Variants in PDE4D observed in about 807,000 individuals in gnomAD.
PDE4D encodes the protein phosphodiesterase 4D, also known as 3',5'-cyclic-AMP phosphodiesterase 4D.
Under a neutral mutation model 87.4 loss-of-function variants are expected in PDE4D, and 24 were observed. The observed-to-expected ratio is 0.27, with a 90% CI of 0.20 to 0.39. The LOEUF (loss-of-function observed/expected upper bound fraction) is 0.39, where lower values mean the gene tolerates loss of function less well. Ranked by LOEUF, PDE4D falls within the 10% of genes least tolerant of loss-of-function variation. The pLI is 1.00. For missense variants in PDE4D, 714 were observed against 1,041.0 expected (o/e 0.69, Z 4.32); for synonymous variants, 384 against 383.2 (o/e 1.00, Z -0.02).
chr5:59,448,608 A>G (rs1798685700), intron 1 of PDE4D, among the ~76,000 whole-genome samples: 1 of 152,148 alleles, frequency 6.6e-6, no homozygotes, highest in South Asian at 2.1e-4. Flanking sequence ...AGTAAAAAGG[A>G]AGAATGTAGA....
chr5:59,974,637 T>G (rs1393696829), intron 3 of PDE4D, among the ~76,000 whole-genome samples: 1 of 152,184 alleles, frequency 6.6e-6, no homozygotes, highest in East Asian at 1.9e-4. Context: ...AACTTCTTGT[T>G]CCCTGGTTTA....
chr5:59,471,447 G>A (rs1321775949), intron 1 of PDE4D, among the ~76,000 whole-genome samples: 1 of 152,230 alleles, frequency 6.6e-6, no homozygotes, highest in East Asian at 1.9e-4. Context: ...GGAGCTTGAG[G>A]AAAGAAGACT....
At chr5:59,909,635 T>C (rs1042769806) in intron 3 of PDE4D, among the ~76,000 whole-genome samples, 1 of 152,128 alleles carries the variant, frequency 6.6e-6, no homozygotes, top group Non-Finnish European at 1.5e-5. Flanking sequence ...TCCACCCACC[T>C]CGGCCTCCCA....
intron 1 of PDE4D, among the ~76,000 whole-genome samples, chr5:59,707,291 A>G (rs1418927246): frequency 6.6e-6 from 1 of 152,168 alleles, no homozygotes; most frequent in Non-Finnish European, 1.5e-5. Flanking sequence ...CTTTAATGCA[A>G]CAAACATTTA....
rs530782366 is a variant in PDE4D, at chr5:59,134,113, T to C, written c.808+46482A>G. Reference sequence around the variant, plus strand: ...CCCCTCAACTCCACTTTTGCTTTCTTGGGATTGCATGACTCACCTCCCTCA... The same window carrying C: ...CCCCTCAACTCCACTTTTGCTTTCTCGGGATTGCATGACTCACCTCCCTCA... On this transcript the variant is annotated intron_variant, in intron 5 of 14. Coordinates refer to ENST00000340635, the MANE Select transcript of PDE4D (RefSeq NM_001104631.2). Among the ~76,000 whole-genome samples, 4 of 150,274 alleles carry C rather than the reference T, an allele frequency of 2.7e-5. No individual in the cohort carries two copies. The East Asian group carries it at 7.8e-4, about 29-fold the overall frequency.
chr5:60,423,932 T>C (rs1743386776), intron 1 of PDE4D, among the ~76,000 whole-genome samples: 1 of 151,804 alleles, frequency 6.6e-6, no homozygotes, highest in Admixed American at 6.6e-5. Flanking sequence ...AACTAGAAAA[T>C]CTAGAAGAAA....
At chr5:59,856,664 T>G (rs1397454462) in intron 1 of PDE4D, among the ~76,000 whole-genome samples, 1 of 152,140 alleles carries the variant, frequency 6.6e-6, no homozygotes. Context: ...AGAAAGAAAA[T>G]AATGGATCTG....
At chr5:59,465,748 A>G (rs990632914) in intron 1 of PDE4D, among the ~76,000 whole-genome samples, 2 of 152,202 alleles carry the variant, frequency 1.3e-5, no homozygotes, top group Non-Finnish European at 2.9e-5. Flanking sequence ...GCAAAATTCA[A>G]CCTGAAGAGA....
chr5:59,747,686 C>G (rs947867219), intron 1 of PDE4D, among the ~76,000 whole-genome samples: 2 of 152,146 alleles, frequency 1.3e-5, no homozygotes, highest in Non-Finnish European at 2.9e-5. Flanking sequence ...TTTTCATACA[C>G]TCTGAAACCA....
chr5:60,218,546 A>G (rs540438106), intron 1 of PDE4D, among the ~76,000 whole-genome samples: 2 of 152,194 alleles, frequency 1.3e-5, no homozygotes, highest in East Asian at 1.9e-4. Context: ...AATGCCACAC[A>G]GATGTCCTAA....
chr5:59,158,048 T>C (rs956920449), intron 5 of PDE4D, among the ~76,000 whole-genome samples: 11 of 152,232 alleles, frequency 7.2e-5, no homozygotes, highest in Admixed American at 1.3e-4. Flanking sequence ...TAGTAGCTTT[T>C]ATATTGAATT....
intron 1 of PDE4D, among the ~76,000 whole-genome samples, chr5:59,525,167 G>T (rs1160145174): frequency 6.6e-6 from 1 of 152,228 alleles, no homozygotes; most frequent in Non-Finnish European, 1.5e-5. Context: ...AAAAGCTGCA[G>T]ACACTCAATG....
At chr5:59,557,704 T>C (rs1187430210) in intron 1 of PDE4D, among the ~76,000 whole-genome samples, 1 of 152,196 alleles carries the variant, frequency 6.6e-6, no homozygotes, top group Non-Finnish European at 1.5e-5. Flanking sequence ...AGGCATTTTA[T>C]TTAATTAAAG....
intron 2 of PDE4D, among the ~76,000 whole-genome samples, chr5:60,128,278 T>A (rs1283986537): frequency 6.6e-6 from 1 of 152,212 alleles, no homozygotes; most frequent in Admixed American, 6.5e-5. Flanking sequence ...GCAACACATT[T>A]GTTTTAAGGA....
At chr5:60,054,514 C>T (rs903750657) in intron 2 of PDE4D, among the ~76,000 whole-genome samples, 1 of 151,994 alleles carries the variant, frequency 6.6e-6, no homozygotes, top group East Asian at 1.9e-4. Flanking sequence ...GGGAACATCA[C>T]ACACCAGGGC....
chr5:60,353,648 A>C (rs1040109873), intron 1 of PDE4D, among the ~76,000 whole-genome samples: 4 of 152,216 alleles, frequency 2.6e-5, no homozygotes, highest in Non-Finnish European at 5.9e-5. Context: ...GGGAAGACTA[A>C]GAGATGGTTC....
At chr5:59,571,369 C>T (rs1442605954) in intron 1 of PDE4D, among the ~76,000 whole-genome samples, 1 of 152,102 alleles carries the variant, frequency 6.6e-6, no homozygotes, top group Non-Finnish European at 1.5e-5. Context: ...TTTTGCTTGT[C>T]TTGATTGACG....
At chr5:59,227,042 CT>C (rs1753933825) in intron 1 of PDE4D, among the ~76,000 whole-genome samples, 1 of 152,172 alleles carries the variant, frequency 6.6e-6, no homozygotes, top group Non-Finnish European at 1.5e-5. Context: ...CAGGCTGGAC[CT>C]GAGAGTCAGC....
chr5:59,131,812 G>T (rs1011351675), intron 5 of PDE4D, among the ~76,000 whole-genome samples: 4 of 152,190 alleles, frequency 2.6e-5, no homozygotes, highest in African/African-American at 9.7e-5. Flanking sequence ...TGGCAAAAAT[G>T]AAGAGTTGGT....
Sources: gnomAD v4.1 joint callset for allele counts (sites outside exome capture counted in the v4.1 genomes callset) on GRCh38, gnomAD v4.1.1 for gene constraint, MANE v1.5 for transcripts, NCBI Gene and HGNC (gene_info 2026-07-23, HGNC 2026-07-21) for gene names.